HHAT: variants seen among roughly 807,000 people sequenced by gnomAD.
HHAT encodes hedgehog acyltransferase, also known as protein-cysteine N-palmitoyltransferase HHAT.
In HHAT, 47 loss-of-function variants were observed where a neutral mutation model predicts 70.8. That is an observed-to-expected ratio of 0.66 (90% CI 0.53 to 0.85). The LOEUF (loss-of-function observed/expected upper bound fraction) is 0.85, where lower values mean the gene tolerates loss of function less well. HHAT is among the 40% of genes least tolerant of loss of function. The pLI is 0.00. For missense variants in HHAT, 609 were observed against 604.8 expected, an observed-to-expected ratio of 1.01 and a Z score of -0.07; for synonymous variants, 228 against 247.6, an observed-to-expected ratio of 0.92 and a Z score of 0.74.
intron 7 of HHAT, among the ~76,000 whole-genome samples, chr1:210,436,107 T>G (rs958446209): frequency 6.6e-6 from 1 of 151,828 alleles, no homozygotes; most frequent in African/African-American, 2.4e-5. Context: ...TGGATGTAAG[T>G]CTTTAGTGTG....
chr1:210,530,148 A>C (rs1351594707), intron 9 of HHAT, among the ~76,000 whole-genome samples: 3 of 152,208 alleles, frequency 2.0e-5, no homozygotes, highest in African/African-American at 7.2e-5. Context: ...AAAATTGCAC[A>C]CAAAAATCAT....
intron 7 of HHAT, among the ~76,000 whole-genome samples, chr1:210,446,868 T>C (rs1224305615): frequency 6.6e-6 from 1 of 152,224 alleles, no homozygotes; most frequent in Non-Finnish European, 1.5e-5. Flanking sequence ...CATTGCCATG[T>C]GAAATTTTCC....
chr1:210,457,562 G>A (rs1261046527), intron 7 of HHAT, among the ~76,000 whole-genome samples: 1 of 152,124 alleles, frequency 6.6e-6, no homozygotes, highest in African/African-American at 2.4e-5. Flanking sequence ...GCCAGTGCCT[G>A]ACACACACGA....
intron 1 of HHAT, among the ~76,000 whole-genome samples, chr1:210,343,001 G>A (rs1024170967): frequency 1.3e-5 from 2 of 152,112 alleles, no homozygotes; most frequent in African/African-American, 2.4e-5. Context: ...GAAAGAATGA[G>A]GGTCGTGATC....
At chr1:210,463,934 G>A (rs549676679) in intron 7 of HHAT, among the ~76,000 whole-genome samples, 8 of 152,290 alleles carry the variant, frequency 5.3e-5, no homozygotes, top group African/African-American at 1.7e-4. Context: ...AGGTGTGTGA[G>A]ATACAGCAAA....
intron 4 of HHAT, among the ~76,000 whole-genome samples, chr1:210,389,833 T>C (rs1337137730): frequency 6.6e-6 from 1 of 152,224 alleles, no homozygotes; most frequent in African/African-American, 2.4e-5. Context: ...AGAGCTCTCA[T>C]GATCCAATTG....
At chr1:210,492,101 A>G (rs1322983772) in intron 8 of HHAT, among the ~76,000 whole-genome samples, 1 of 152,068 alleles carries the variant, frequency 6.6e-6, no homozygotes, top group East Asian at 1.9e-4. Flanking sequence ...TCTGCCTAGA[A>G]AGTAATCACA....
At chr1:210,639,335 G>T (rs1482876794) in intron 11 of HHAT, among the ~76,000 whole-genome samples, 1 of 152,178 alleles carries the variant, frequency 6.6e-6, no homozygotes, top group Non-Finnish European at 1.5e-5. Flanking sequence ...GTCTGTACTA[G>T]TCATCATGTA....
At chr1:210,630,971 C>A in intron 11 of HHAT, 1 of 444,032 alleles carries the variant, frequency 2.3e-6, no homozygotes. Flanking sequence ...CTGAAGCCAA[C>A]ATATCTTTGT....
At chr1:210,334,116 A>G (rs1369975639) in intron 1 of HHAT, among the ~76,000 whole-genome samples, 1 of 149,480 alleles carries the variant, frequency 6.7e-6, no homozygotes, top group Non-Finnish European at 1.5e-5. Context: ...ATCCTGGGTT[A>G]CATACAACCC....
chr1:210,357,332 G>A (rs1462518458), intron 2 of HHAT, among the ~76,000 whole-genome samples: 1 of 152,196 alleles, frequency 6.6e-6, no homozygotes. Flanking sequence ...CCTGAAGCAG[G>A]TCATAAAACT....
At position 210,593,198 on chromosome 1, in the gene HHAT, T is replaced by C. The variant is rs74479239; in HGVS notation, c.1245+5099T>C. On this transcript the variant is annotated intron_variant, in intron 10 of 11. Transcript: ENST00000261458. ...CATTGTTTCAATTTTATGTATTTCT[T>C]CTCTGATCTTCGTTTCCTTTGTTCT... 4.3e-3 allele frequency among the ~76,000 whole-genome samples: 649 copies of C among 152,276 alleles called. 1 individual carries two copies. The highest frequency in any genetic ancestry group is 0.015 in the African/African-American group (614 of 41,556).
chr1:210,360,121 A>T (rs755717068), intron 2 of HHAT, among the ~76,000 whole-genome samples: 1 of 152,212 alleles, frequency 6.6e-6, no homozygotes, highest in Admixed American at 6.5e-5. Flanking sequence ...TCCTGTATCA[A>T]CTACATTCTG....
At chr1:210,464,781 A>G in intron 8 of HHAT, 126 bp downstream of exon 8, 1 of 919,766 alleles carries the variant, frequency 1.1e-6, no homozygotes, top group South Asian at 1.7e-5. Context: ...TTTGGCATCC[A>G]TTTCTTCATC....
chr1:210,674,417 C>T lies in HHAT; in HGVS notation c.*38C>T. ...CAGGCCAGTCCTTGTTGCTGGCCTC[C>T]AAGGCAAATAGTGCTTCACCCTGAC... On this transcript the variant is annotated 3_prime_UTR_variant, in exon 12 of 12. Transcript: ENST00000261458. 1.3e-6 allele frequency: 2 copies of T among 1,522,764 alleles called. No individual in the cohort carries two copies. Among genetic ancestry groups the T allele is most frequent in the Non-Finnish European group, 9.1e-7 (1 of 1,097,826 alleles). The allele number at this position is 1,522,764 out of a possible 1,614,324, so 94.3% of individuals were successfully genotyped here.
intron 8 of HHAT, among the ~76,000 whole-genome samples, chr1:210,494,656 A>G (rs969267311): frequency 4.3e-5 from 6 of 140,486 alleles, no homozygotes; most frequent in Non-Finnish European, 9.0e-5. Context: ...GGTTCAAGTG[A>G]TTCTCCTGCC....
intron 2 of HHAT, among the ~76,000 whole-genome samples, chr1:210,352,456 A>C (rs766748818): frequency 2.0e-5 from 3 of 152,142 alleles, no homozygotes; most frequent in Non-Finnish European, 4.4e-5. Context: ...GAAGTAGGTC[A>C]CTGGAAAAAT....
At chr1:210,460,905 C>A (rs988635006) in intron 7 of HHAT, among the ~76,000 whole-genome samples, 2 of 152,158 alleles carry the variant, frequency 1.3e-5, no homozygotes, top group African/African-American at 4.8e-5. Context: ...GCCGTACCCT[C>A]TGCACATGCT....
chr1:210,624,784 G>A (rs915792944), intron 11 of HHAT, among the ~76,000 whole-genome samples: 7 of 152,152 alleles, frequency 4.6e-5, no homozygotes, highest in African/African-American at 1.7e-4. Flanking sequence ...AACTACTCAT[G>A]GTACATACTA....
Sources: gnomAD v4.1 joint callset for allele counts (sites outside exome capture counted in the v4.1 genomes callset) on GRCh38, gnomAD v4.1.1 for gene constraint, MANE v1.5 for transcripts, NCBI Gene and HGNC (gene_info 2026-07-23, HGNC 2026-07-21) for gene names.